BMP8A: variants seen among roughly 807,000 people sequenced by gnomAD.
BMP8A encodes bone morphogenetic protein 8a, also known as BMP-8A.
Under a neutral mutation model 36.8 loss-of-function variants are expected in BMP8A, and 14 were observed. The observed-to-expected ratio is 0.38, with a 90% CI of 0.25 to 0.60. The LOEUF (loss-of-function observed/expected upper bound fraction) is 0.60. BMP8A is among the 20% of genes least tolerant of loss of function. The pLI is 0.63. For synonymous variants in BMP8A, 120 were observed against 237.7 expected, an observed-to-expected ratio of 0.50 and a Z score of 4.55; for missense variants, 267 against 551.1, an observed-to-expected ratio of 0.48 and a Z score of 5.16.
chr1:39,522,880 C>T (rs1330463260), intron 5 of BMP8A, 127 bp from the exon 6 acceptor site: 3 of 977,078 alleles, frequency 3.1e-6, no homozygotes, highest in Admixed American at 4.9e-5. Context: ...GCCTTTTCCG[C>T]CGGGGGTTCC....
At chr1:39,505,530 C>T (rs1645293940) in intron 1 of BMP8A, among the ~76,000 whole-genome samples, 1 of 152,118 alleles carries the variant, frequency 6.6e-6, no homozygotes, top group African/African-American at 2.4e-5. Context: ...TCTCTTATGT[C>T]TTCCTTTTTC....
chr1:39,523,234 G>T, intron 6 of BMP8A, 117 bp downstream of exon 6: 1 of 1,247,286 alleles, frequency 8.0e-7, no homozygotes, highest in Non-Finnish European at 1.1e-6. Context: ...CGGGGGCTTT[G>T]TCTGCACAGA....
chr1:39,509,138 C>G (rs1645328458), intron 1 of BMP8A, among the ~76,000 whole-genome samples: 1 of 152,162 alleles, frequency 6.6e-6, no homozygotes, highest in South Asian at 2.1e-4. Context: ...CAGGACCCAC[C>G]CAGCAGCCCT....
At position 39,492,144 on chromosome 1, in the gene BMP8A, G is replaced by T; in HGVS notation, c.153G>T (p.Val51=). 7.9e-7 allele frequency: 1 copy of T among 1,266,570 alleles called. No individual in the cohort carries two copies. Among genetic ancestry groups the T allele is most frequent in the Non-Finnish European group, 9.9e-7 (1 of 1,011,680 alleles). The allele number at this position is 1,266,570 out of a possible 1,614,324, so 78.5% of individuals were successfully genotyped here. A position where few individuals can be genotyped will look rare whatever the true frequency, so the allele number is the denominator to read the frequency against. Residue 51 remains valine (V), a synonymous_variant, in exon 1 of 7, where the codon GTG becomes GTT. Coordinates refer to ENST00000331593, the MANE Select transcript of BMP8A (RefSeq NM_181809.4). Reference sequence around the variant, plus strand: ...ACGTGCAGCGCGAGATCCTGGCGGTGCTCGGGCTACCCGGGCGGCCCCGGC... The same window carrying T: ...ACGTGCAGCGCGAGATCCTGGCGGTTCTCGGGCTACCCGGGCGGCCCCGGC... The part of the protein sequence containing the change: ...RRDVQREILA[V]LGLPGRPRPR...
chr1:39,517,726 A>T lies in BMP8A; in HGVS notation c.674-3650A>T, dbSNP rs539499804. Among the ~76,000 whole-genome samples the T allele has an allele frequency of 1.8e-4, 28 of 151,724 alleles. No individual in the cohort carries two copies. In the East Asian group the frequency reaches 5.2e-3, roughly 28 times the overall value. On this transcript the variant is annotated intron_variant, in intron 3 of 6. Transcript: ENST00000331593. ...TCCCACATCTCTCCTCCTGGGACCT[A>T]TGAGATGTTAAGCTTCTAGATGTCC...
chr1:39,524,425 C>T lies in BMP8A; in HGVS notation c.1060-1224C>T, dbSNP rs535664483. ...CTCCTGTGAGGAAGAGCAGAGCAGC[C>T]GTGCCGTCAGTGGAGTGAGACTGGG... On this transcript the variant is annotated intron_variant, in intron 6 of 6. Transcript: ENST00000331593. This position sits in a 1 kb window ranked among gnomAD's most constrained non-coding sequence, Gnocchi z 4.0. Among the ~76,000 whole-genome samples the T allele has an allele frequency of 3.3e-5, 5 of 152,196 alleles. No homozygotes were observed. The South Asian group carries it at 8.3e-4, about 25-fold the overall frequency.
intron 1 of BMP8A, among the ~76,000 whole-genome samples, chr1:39,509,560 C>T (rs1160080015): frequency 6.6e-6 from 1 of 152,144 alleles, no homozygotes; most frequent in Non-Finnish European, 1.5e-5. Context: ...CATTTTTCCT[C>T]CGCCCTGGCC....
At chr1:39,525,499 A>G in intron 6 of BMP8A, 150 bp from the exon 7 acceptor site, 1 of 1,165,396 alleles carries the variant, frequency 8.6e-7, no homozygotes, top group East Asian at 2.6e-5. Flanking sequence ...GGCTGCTCTT[A>G]TTCCTGTTAA....
intron 1 of BMP8A, among the ~76,000 whole-genome samples, chr1:39,492,573 G>A (rs2463261): frequency 9.8e-5 from 15 of 152,336 alleles, no homozygotes; most frequent in Admixed American, 2.6e-4. Context: ...CCCTGCCCCA[G>A]ACACACCCAG....
chr1:39,523,731 A>G, intron 6 of BMP8A: 3 of 1,338,624 alleles, frequency 2.2e-6, no homozygotes, highest in East Asian at 3.0e-5. Context: ...TGATGGGATC[A>G]CTGGTGCTGC....
At chr1:39,498,541 G>GA (rs1458699247) in intron 1 of BMP8A, among the ~76,000 whole-genome samples, 2 of 152,194 alleles carry the variant, frequency 1.3e-5, no homozygotes, top group Admixed American at 6.5e-5. Flanking sequence ...AACAGCCCTT[G>GA]AAGCAAGCCA....
At chr1:39,503,508 CTTTTTTTTTT>C (rs35892449) in intron 1 of BMP8A, among the ~76,000 whole-genome samples, 7 of 69,960 alleles carry the variant, frequency 1.0e-4, no homozygotes, top group African/African-American at 3.4e-4. Flanking sequence ...TACAGTCTTT[CTTTTTTTTTT>C]TTTTTTTTTT....
chr1:39,504,969 G>C (rs535893687), intron 1 of BMP8A, among the ~76,000 whole-genome samples: 1 of 152,230 alleles, frequency 6.6e-6, no homozygotes, highest in East Asian at 1.9e-4. Context: ...ATGCAGTAAA[G>C]AGCAGTATTG....
In BMP8A at chr1:39,527,212, G is replaced by A. The variant is rs140532110; in HGVS notation, c.*1414G>A. On this transcript the variant is annotated 3_prime_UTR_variant, in exon 7 of 7. Coordinates refer to ENST00000331593, the MANE Select transcript of BMP8A (RefSeq NM_181809.4). ...GTCAAAGAAAAGGTCCCTGTCCCAGGGAGTGACAGGCAGTAATTAGGCTGA... is the reference window on the plus strand; with the variant it reads ...GTCAAAGAAAAGGTCCCTGTCCCAGAGAGTGACAGGCAGTAATTAGGCTGA... Among the ~76,000 whole-genome samples, 405 of 152,296 alleles carry A rather than the reference G, an allele frequency of 2.7e-3. No homozygotes were observed. The highest frequency in any genetic ancestry group is 9.3e-3 in the African/African-American group (385 of 41,552).
At chr1:39,506,418 A>G (rs1483262334) in intron 1 of BMP8A, among the ~76,000 whole-genome samples, 1 of 152,058 alleles carries the variant, frequency 6.6e-6, no homozygotes, top group African/African-American at 2.4e-5. Flanking sequence ...CATCTTGGCC[A>G]GGCTGGTCTT....
chr1:39,497,439 GCAC>G (rs1645215001), intron 1 of BMP8A, among the ~76,000 whole-genome samples: 1 of 152,154 alleles, frequency 6.6e-6, no homozygotes, highest in Admixed American at 6.5e-5. Flanking sequence ...CCCCACTTCT[GCAC>G]CATTGCTCGT....
chr1:39,494,903 G>A (rs1166121464), intron 1 of BMP8A, among the ~76,000 whole-genome samples: 3 of 152,092 alleles, frequency 2.0e-5, no homozygotes, highest in Non-Finnish European at 4.4e-5. Context: ...GGAAGCCCAG[G>A]CTGTGGGTGG....
rs188687257 is a variant in BMP8A, at chr1:39,524,620, C to T, written c.1060-1029C>T. 3.0e-4 allele frequency among the ~76,000 whole-genome samples: 46 copies of T among 152,084 alleles called. No homozygotes were observed. The East Asian group carries it at 3.3e-3, about 11-fold the overall frequency. The stretch of plus-strand genomic sequence containing the variant: ...GGAGGAGAGTGGAGGGAGGTGATGC[C>T]GGGGTGAGCCAGGCCAGCTCCCGTA... On this transcript the variant is annotated intron_variant, in intron 6 of 6. Coordinates refer to ENST00000331593, the MANE Select transcript of BMP8A (RefSeq NM_181809.4). The surrounding 1 kb of genome is among the most constrained non-coding windows in gnomAD (Gnocchi z 4.0).
intron 3 of BMP8A, 84 bp downstream of exon 3, chr1:39,511,988 CG>C (rs1291015323): frequency 1.7e-5 from 9 of 539,888 alleles, no homozygotes; most frequent in Non-Finnish European, 2.8e-5. Context: ...CCTGGGTGCC[CG>C]GCCTCACCAG....
Sources: allele counts gnomAD v4.1 joint callset (sites outside exome capture counted in the v4.1 genomes callset), GRCh38; gene constraint gnomAD v4.1.1; non-coding constraint Gnocchi (gnomAD v3.1); transcripts MANE v1.5; gene names NCBI Gene and HGNC (gene_info 2026-07-23, HGNC 2026-07-21).